Variants in GABRB1 observed in about 807,000 individuals in gnomAD.
The protein encoded by GABRB1 is gamma-aminobutyric acid type A receptor subunit beta1, also known as gamma-aminobutyric acid receptor subunit beta-1.
A neutral mutation model predicts 51.6 loss-of-function variants in GABRB1; 17 were observed. The ratio of observed to expected loss-of-function variants is 0.33; its 90% confidence interval spans 0.23 to 0.49. The LOEUF is 0.49. GABRB1 is among the 20% of genes least tolerant of loss of function. GABRB1 has a pLI of 0.99. For synonymous variants in GABRB1, 247 were observed against 218.9 expected (o/e 1.13, Z -1.14); for missense variants, 410 against 600.6 (o/e 0.68, Z 3.32).
chr4:47,357,667 C>T (rs1038778965), intron 5 of GABRB1, among the ~76,000 whole-genome samples: 1 of 152,172 alleles, frequency 6.6e-6, no homozygotes, highest in Non-Finnish European at 1.5e-5. Context: ...CTGGGGTCCT[C>T]CTCTGGTACC....
chr4:47,337,600 T>C (rs1187945382), intron 5 of GABRB1, among the ~76,000 whole-genome samples: 1 of 151,326 alleles, frequency 6.6e-6, no homozygotes, highest in Non-Finnish European at 1.5e-5. Flanking sequence ...AGGTCAGGAG[T>C]TCGAGACCAA....
chr4:47,080,144 C>T (rs1292659221), intron 3 of GABRB1, among the ~76,000 whole-genome samples: 1 of 151,884 alleles, frequency 6.6e-6, no homozygotes, highest in Non-Finnish European at 1.5e-5. Flanking sequence ...AATATCAATC[C>T]AGAAATCCTC....
At chr4:47,027,008 C>A (rs569020007), upstream of GABRB1, among the ~76,000 whole-genome samples, 17 of 151,640 alleles carry the variant, frequency 1.1e-4, no homozygotes, top group African/African-American at 4.1e-4. Flanking sequence ...TATATCCCTA[C>A]CTCTTAAGAT....
intron 4 of GABRB1, among the ~76,000 whole-genome samples, chr4:47,178,906 C>T (rs1228260600): frequency 6.6e-6 from 1 of 152,040 alleles, no homozygotes; most frequent in Non-Finnish European, 1.5e-5. Flanking sequence ...GTTTTTATCT[C>T]CATCCTTATT....
At position 47,098,874 on chromosome 4, in the gene GABRB1, C is replaced by T. The variant is rs538120132; in HGVS notation, c.241-62375C>T. Among the ~76,000 whole-genome samples the T allele has an allele frequency of 2.6e-5, 4 of 151,826 alleles. No individual in the cohort carries two copies. The South Asian group carries it at 6.2e-4, about 24-fold the overall frequency. ...GAGTAGATATCACCTAGTGGCTGTT[C>T]GTATATTTTCATTGAAAGAAAATTC... On this transcript the variant is annotated intron_variant, in intron 3 of 8. Coordinates refer to ENST00000295454, the MANE Select transcript of GABRB1 (RefSeq NM_000812.4).
intron 8 of GABRB1, among the ~76,000 whole-genome samples, chr4:47,411,562 T>G (rs1728762743): frequency 6.6e-6 from 1 of 152,188 alleles, no homozygotes; most frequent in South Asian, 2.1e-4. Context: ...ATCATTGCAG[T>G]AATGGAATAG....
At chr4:47,117,017 A>T (rs948609975) in intron 3 of GABRB1, among the ~76,000 whole-genome samples, 1 of 152,140 alleles carries the variant, frequency 6.6e-6, no homozygotes, top group Admixed American at 6.5e-5. Flanking sequence ...CCCATGATCC[A>T]GTCACCACCT....
At chr4:47,365,528 C>T (rs1293900452) in intron 5 of GABRB1, among the ~76,000 whole-genome samples, 1 of 152,126 alleles carries the variant, frequency 6.6e-6, no homozygotes, top group Non-Finnish European at 1.5e-5. Flanking sequence ...CAGATGTCTT[C>T]CTTGCTCCAC....
At chr4:47,411,717 TG>T (rs1728767156) in intron 8 of GABRB1, among the ~76,000 whole-genome samples, 1 of 152,192 alleles carries the variant, frequency 6.6e-6, no homozygotes, top group Non-Finnish European at 1.5e-5. Context: ...TTGGAGAACC[TG>T]GGTGAGGGGT....
intron 4 of GABRB1, among the ~76,000 whole-genome samples, chr4:47,228,964 C>T (rs187959390): frequency 6.6e-6 from 1 of 152,140 alleles, no homozygotes; most frequent in Non-Finnish European, 1.5e-5. Flanking sequence ...ATAATACAAA[C>T]AGCCACCATG....
intron 8 of GABRB1, among the ~76,000 whole-genome samples, chr4:47,417,926 A>T (rs1489830460): frequency 2.0e-5 from 3 of 152,234 alleles, no homozygotes; most frequent in African/African-American, 7.2e-5. Context: ...AGAGCAGTTC[A>T]ATTCAGTGAG....
At chr4:47,409,836 A>G (rs1728702643) in intron 8 of GABRB1, among the ~76,000 whole-genome samples, 1 of 152,278 alleles carries the variant, frequency 6.6e-6, no homozygotes, top group Non-Finnish European at 1.5e-5. Flanking sequence ...TCAGCTTTTG[A>G]TTCCACACTA....
chr4:47,032,957 C>A, intron 3 of GABRB1: 1 of 350,436 alleles, frequency 2.9e-6, no homozygotes, highest in Non-Finnish European at 5.7e-6. Flanking sequence ...AGAGCACAGT[C>A]TGGGTTTCAA....
intron 4 of GABRB1, among the ~76,000 whole-genome samples, chr4:47,167,270 A>G (rs1351037879): frequency 6.6e-6 from 1 of 152,120 alleles, no homozygotes; most frequent in Non-Finnish European, 1.5e-5. Context: ...AACATGGTCC[A>G]GATGGTTGCA....
At chr4:47,155,581 C>A (rs1717654060) in intron 3 of GABRB1, among the ~76,000 whole-genome samples, 1 of 151,974 alleles carries the variant, frequency 6.6e-6, no homozygotes, top group East Asian at 2.0e-4. Context: ...ACTATGGGGG[C>A]AGTGAACAAG....
chr4:47,243,911 C>T (rs1721638091), intron 4 of GABRB1, among the ~76,000 whole-genome samples: 1 of 152,154 alleles, frequency 6.6e-6, no homozygotes, highest in African/African-American at 2.4e-5. Flanking sequence ...CCAGAACTTC[C>T]AACTCTATGT....
chr4:47,092,626 A>G (rs2109589287), intron 3 of GABRB1, among the ~76,000 whole-genome samples: 1 of 151,118 alleles, frequency 6.6e-6, no homozygotes, highest in Admixed American at 6.6e-5. Flanking sequence ...TTTTTTTGAA[A>G]CAGAGTCTCA....
chr4:47,244,971 A>C (rs1007405441), intron 4 of GABRB1, among the ~76,000 whole-genome samples: 1 of 152,192 alleles, frequency 6.6e-6, no homozygotes, highest in Non-Finnish European at 1.5e-5. Context: ...AAAAGCTAGC[A>C]GAAGGCAAGA....
At chr4:47,278,765 C>T (rs1723172776) in intron 4 of GABRB1, among the ~76,000 whole-genome samples, 2 of 152,148 alleles carry the variant, frequency 1.3e-5, no homozygotes. Flanking sequence ...ATGACAATTT[C>T]AGTTGCCAGA....
Sources: allele counts gnomAD v4.1 joint callset (sites outside exome capture counted in the v4.1 genomes callset), GRCh38; gene constraint gnomAD v4.1.1; transcripts MANE v1.5; gene names NCBI Gene and HGNC (gene_info 2026-07-23, HGNC 2026-07-21).